Variants in KCTD8 observed in about 807,000 individuals in gnomAD.
KCTD8 encodes potassium channel tetramerization domain containing 8.
Under a neutral mutation model 31.5 loss-of-function variants are expected in KCTD8, and 27 were observed. The observed-to-expected ratio is 0.86, with a 90% CI of 0.63 to 1.18. The LOEUF is 1.18. KCTD8 is among the 50% of genes most tolerant of loss of function. The probability of loss-of-function intolerance (pLI) is 0.00; values close to 1 mark genes in which losing one functional copy is unlikely to be tolerated. For synonymous variants in KCTD8, 290 were observed against 280.0 expected (o/e 1.04, Z -0.36); for missense variants, 658 against 647.7 (o/e 1.02, Z -0.17).
At position 44,174,951 on chromosome 4, in the gene KCTD8, G is replaced by T. The variant is rs776083231; in HGVS notation, c.1261C>A (p.Arg421=). The change falls in exon 2 of 2, where the codon CGG becomes AGG. Residue 421 remains arginine, a synonymous_variant. Coordinates refer to ENST00000360029, the MANE Select transcript of KCTD8 (RefSeq NM_198353.3). ...TTCTTTTTGGACAGATTTGTTTCCC[G>T]GGACTTGCTGATGAGGGTCTGAAAG... The part of the protein sequence containing the change: ...ELFQTLISKS[R]ETNLSKKKVC... The T allele has an allele frequency of 1.9e-6, 3 of 1,613,842 alleles. No individual in the cohort carries two copies. The East Asian group carries it at 6.7e-5, about 36-fold the overall frequency.
intron 1 of KCTD8, among the ~76,000 whole-genome samples, chr4:44,304,802 T>C (rs1242522099): frequency 6.6e-6 from 1 of 152,092 alleles, no homozygotes; most frequent in Admixed American, 6.6e-5. Context: ...GTTCTATATC[T>C]TGATTATGAT....
intron 1 of KCTD8, among the ~76,000 whole-genome samples, chr4:44,226,448 T>C (rs779806354): frequency 6.6e-6 from 1 of 152,180 alleles, no homozygotes; most frequent in Non-Finnish European, 1.5e-5. Flanking sequence ...TCATTGATGG[T>C]CATTTGGGTT....
intron 1 of KCTD8, among the ~76,000 whole-genome samples, chr4:44,250,032 A>G (rs1237615145): frequency 1.3e-5 from 2 of 151,796 alleles, no homozygotes; most frequent in East Asian, 3.9e-4. Flanking sequence ...CATCTTTTGC[A>G]GTCAGGTTTA....
intron 1 of KCTD8, among the ~76,000 whole-genome samples, chr4:44,447,218 C>T (rs1024301989): frequency 6.6e-6 from 1 of 152,264 alleles, no homozygotes; most frequent in Non-Finnish European, 1.5e-5. Flanking sequence ...GCACCCTGCC[C>T]TGTGCCCCAG....
intron 1 of KCTD8, among the ~76,000 whole-genome samples, chr4:44,309,281 T>G (rs1255268247): frequency 6.6e-6 from 1 of 152,056 alleles, no homozygotes; most frequent in Non-Finnish European, 1.5e-5. Context: ...TCAAGCCATC[T>G]GCCCACCTCG....
At chr4:44,256,420 T>A (rs918385443) in intron 1 of KCTD8, among the ~76,000 whole-genome samples, 1 of 151,916 alleles carries the variant, frequency 6.6e-6, no homozygotes, top group Non-Finnish European at 1.5e-5. Flanking sequence ...TATAGAAAAT[T>A]GGCTAGTGAC....
intron 1 of KCTD8, among the ~76,000 whole-genome samples, chr4:44,223,697 T>C (rs545663947): frequency 6.6e-6 from 1 of 152,324 alleles, no homozygotes; most frequent in South Asian, 2.1e-4. Context: ...CAATTTATAT[T>C]TGATTGACTT....
At chr4:44,206,977 T>C (rs1028587910) in intron 1 of KCTD8, among the ~76,000 whole-genome samples, 14 of 152,186 alleles carry the variant, frequency 9.2e-5, no homozygotes, top group Non-Finnish European at 1.2e-4. Flanking sequence ...GTTGGGTCCT[T>C]TTAAGAGCTG....
At chr4:44,187,749 C>A (rs1236928006) in intron 1 of KCTD8, among the ~76,000 whole-genome samples, 1 of 152,082 alleles carries the variant, frequency 6.6e-6, no homozygotes, top group Non-Finnish European at 1.5e-5. Flanking sequence ...TACAACATGT[C>A]TGGTGGCTCC....
chr4:44,336,866 G>C (rs1718762253), intron 1 of KCTD8, among the ~76,000 whole-genome samples: 1 of 151,904 alleles, frequency 6.6e-6, no homozygotes, highest in African/African-American at 2.4e-5. Flanking sequence ...TATCTTCACT[G>C]TATATCAAAT....
At chr4:44,297,378 C>T (rs1055964249) in intron 1 of KCTD8, among the ~76,000 whole-genome samples, 1 of 152,028 alleles carries the variant, frequency 6.6e-6, no homozygotes, top group African/African-American at 2.4e-5. Context: ...ACATGGTCCC[C>T]TGTTTCTCAG....
At chr4:44,200,329 C>G (rs190486728) in intron 1 of KCTD8, among the ~76,000 whole-genome samples, 1 of 151,476 alleles carries the variant, frequency 6.6e-6, no homozygotes, top group African/African-American at 2.4e-5. Flanking sequence ...ATCATCCTGA[C>G]ATGAAAATCT....
chr4:44,311,974 TAAAG>T (rs1173055523), intron 1 of KCTD8, among the ~76,000 whole-genome samples: 1 of 151,712 alleles, frequency 6.6e-6, no homozygotes, highest in African/African-American at 2.4e-5. Flanking sequence ...CCATCAGAAA[TAAAG>T]AATCATAATT....
chr4:44,265,687 G>A (rs1000943966), intron 1 of KCTD8, among the ~76,000 whole-genome samples: 3 of 152,166 alleles, frequency 2.0e-5, no homozygotes, highest in Admixed American at 6.5e-5. Flanking sequence ...CCAATACAGA[G>A]AAGTGCTTAA....
chr4:44,387,822 T>C (rs1177862552), intron 1 of KCTD8, among the ~76,000 whole-genome samples: 2 of 151,670 alleles, frequency 1.3e-5, no homozygotes, highest in Non-Finnish European at 3.0e-5. Context: ...GATTTCATGA[T>C]GAAGATGCCA....
At chr4:44,239,046 G>T (rs564106937) in intron 1 of KCTD8, among the ~76,000 whole-genome samples, 1 of 152,122 alleles carries the variant, frequency 6.6e-6, no homozygotes, top group African/African-American at 2.4e-5. Flanking sequence ...TGCTAGTCAC[G>T]TGCAGGGGTA....
At chr4:44,293,618 AT>A (rs138597332) in intron 1 of KCTD8, 130 of 326,108 alleles carry the variant, frequency 4.0e-4, no homozygotes, top group South Asian at 7.4e-4. Context: ...CTAGTCTTTA[AT>A]TTTTTTTTTC....
chr4:44,209,608 T>C (rs117757695), intron 1 of KCTD8, among the ~76,000 whole-genome samples: 2 of 151,998 alleles, frequency 1.3e-5, no homozygotes, highest in East Asian at 1.9e-4. Context: ...ATAATGAACA[T>C]AGATATAGAT....
At chr4:44,385,656 T>A (rs1236416723) in intron 1 of KCTD8, among the ~76,000 whole-genome samples, 1 of 151,606 alleles carries the variant, frequency 6.6e-6, no homozygotes, top group Non-Finnish European at 1.5e-5. Context: ...TTCATGGATG[T>A]GGCAACAAAA....
Sources: allele counts gnomAD v4.1 joint callset (sites outside exome capture counted in the v4.1 genomes callset), GRCh38; gene constraint gnomAD v4.1.1; transcripts MANE v1.5; gene names NCBI Gene and HGNC (gene_info 2026-07-23, HGNC 2026-07-21).